N4BP2L2: variants seen among roughly 807,000 people sequenced by gnomAD.
The protein encoded by N4BP2L2 is NEDD4 binding protein 2 like 2, also known as NEDD4-binding protein 2-like 2.
A neutral mutation model predicts 56.2 loss-of-function variants in N4BP2L2; 50 were observed. That is an observed-to-expected ratio of 0.89 (90% CI 0.71 to 1.13). The LOEUF (loss-of-function observed/expected upper bound fraction) is 1.13, where lower values mean the gene tolerates loss of function less well. Among genes scored for constraint, N4BP2L2 ranks in the 50% most tolerant of loss-of-function variants. The pLI, the probability that N4BP2L2 is intolerant of heterozygous loss-of-function variation, is 0.00. For missense variants in N4BP2L2, 689 were observed against 693.8 expected (o/e 0.99, Z 0.08); for synonymous variants, 203 against 223.6 (o/e 0.91, Z 0.82).
chr13:32,460,828 A>C (rs2079916519), intron 6 of N4BP2L2, among the ~76,000 whole-genome samples: 1 of 152,078 alleles, frequency 6.6e-6, no homozygotes, highest in South Asian at 2.1e-4. Flanking sequence ...AAAAAATAAA[A>C]ATAAAAAACA....
At chr13:32,499,014 A>T (rs1352029496) in intron 6 of N4BP2L2, among the ~76,000 whole-genome samples, 20 of 151,508 alleles carry the variant, frequency 1.3e-4, no homozygotes. Context: ...AAAAAAAATT[A>T]AAATTTAAAA....
downstream of N4BP2L2, chr13:32,508,757 G>A (rs1343681955): frequency 6.6e-6 from 1 of 152,152 alleles, no homozygotes; most frequent in Non-Finnish European, 1.5e-5. Context: ...GAAAAAAGAT[G>A]CAAGCATTTG....
exon 2 of N4BP2L2, chr13:32,536,820 C>G (rs763310254): frequency 5.0e-6 from 8 of 1,614,014 alleles, no homozygotes; most frequent in Non-Finnish European, 5.9e-6. Context: ...ATTTTGTTCT[C>G]CTGCAAATAA....
intron 6 of N4BP2L2, among the ~76,000 whole-genome samples, chr13:32,464,313 T>A (rs2080825383): frequency 6.6e-6 from 1 of 152,216 alleles, no homozygotes; most frequent in Non-Finnish European, 1.5e-5. Flanking sequence ...TGCTGCAGGT[T>A]CTCTTGCCAG....
At chr13:32,522,579 T>C (rs997799285) in intron 3 of N4BP2L2, 1 of 184,642 alleles carries the variant, frequency 5.4e-6, no homozygotes, top group East Asian at 1.3e-4. Context: ...ATGGGAAATA[T>C]AAGAGATGAA....
chr13:32,529,746 A>G (rs1341974842), intron 2 of N4BP2L2, among the ~76,000 whole-genome samples: 1 of 145,720 alleles, frequency 6.9e-6, no homozygotes, highest in Non-Finnish European at 1.5e-5. Context: ...TTTTTTTTAG[A>G]CAAGAGTCCG....
At chr13:32,456,971 C>T (rs2079083175) in intron 6 of N4BP2L2, among the ~76,000 whole-genome samples, 2 of 151,958 alleles carry the variant, frequency 1.3e-5, no homozygotes, top group South Asian at 2.1e-4. Context: ...AACCCTATCT[C>T]TACTAAAAAT....
intron 6 of N4BP2L2, among the ~76,000 whole-genome samples, chr13:32,470,028 G>A (rs1453097229): frequency 2.0e-5 from 3 of 152,324 alleles, no homozygotes; most frequent in South Asian, 4.1e-4. Flanking sequence ...ATCAATTAAT[G>A]GCTATGAAAG....
chr13:32,481,972 T>C (rs911989677), intron 6 of N4BP2L2, among the ~76,000 whole-genome samples: 3 of 152,214 alleles, frequency 2.0e-5, no homozygotes, highest in South Asian at 4.1e-4. Flanking sequence ...TGTAAATATA[T>C]ATAATTTAAA....
exon 7 of N4BP2L2, chr13:32,442,595 A>G (rs751470731): frequency 6.2e-7 from 1 of 1,613,982 alleles, no homozygotes; most frequent in Non-Finnish European, 8.5e-7. Context: ...AAAGAGCACG[A>G]AGTATCAGGA....
intron 7 of N4BP2L2, among the ~76,000 whole-genome samples, chr13:32,440,273 G>A (rs2076108159): frequency 6.6e-6 from 1 of 152,050 alleles, no homozygotes; most frequent in South Asian, 2.1e-4. Flanking sequence ...GACGAAATGG[G>A]TCCCCAAGGA....
chr13:32,510,034 GTC>G (rs1414547522), downstream of N4BP2L2, among the ~76,000 whole-genome samples: 1 of 151,996 alleles, frequency 6.6e-6, no homozygotes, highest in African/African-American at 2.4e-5. Context: ...TTAAGTAACT[GTC>G]TCTTTTACTG....
intron 6 of N4BP2L2, among the ~76,000 whole-genome samples, chr13:32,463,604 C>T (rs1398083084): frequency 2.1e-5 from 3 of 142,508 alleles, no homozygotes; most frequent in Non-Finnish European, 3.0e-5. Context: ...GCAGAGGTTG[C>T]GGTGAGCAGA....
At chr13:32,513,449 G>A (rs1593995269) in exon 6 of N4BP2L2, 1 of 152,010 alleles carries the variant, frequency 6.6e-6, no homozygotes, top group Non-Finnish European at 1.5e-5. Flanking sequence ...ATACATACAG[G>A]GAAGCCAACT....
chr13:32,441,933 G>A (rs765706080), intron 7 of N4BP2L2, among the ~76,000 whole-genome samples: 3 of 146,850 alleles, frequency 2.0e-5, no homozygotes, highest in Admixed American at 6.7e-5. Context: ...ATAAATAGCC[G>A]GGCGTGGTGG....
At chr13:32,456,694 C>G (rs561219858) in intron 6 of N4BP2L2, among the ~76,000 whole-genome samples, 1 of 152,110 alleles carries the variant, frequency 6.6e-6, no homozygotes, top group South Asian at 2.1e-4. Flanking sequence ...AAAAAAGAAC[C>G]AAACAGAAAT....
At chr13:32,435,803 C>T (rs1410617917) in intron 9 of N4BP2L2, among the ~76,000 whole-genome samples, 3 of 152,054 alleles carry the variant, frequency 2.0e-5, no homozygotes, top group Non-Finnish European at 4.4e-5. Flanking sequence ...AATGAAAAAA[C>T]GTATGGTAAA....
At chr13:32,435,516 G>A (rs1044696190) in intron 9 of N4BP2L2, among the ~76,000 whole-genome samples, 1 of 152,044 alleles carries the variant, frequency 6.6e-6, no homozygotes, top group Non-Finnish European at 1.5e-5. Flanking sequence ...GTATAGGCGT[G>A]AGCCACCACA....
exon 7 of N4BP2L2, chr13:32,443,181 T>G: frequency 1.9e-6 from 3 of 1,613,982 alleles, no homozygotes; most frequent in Non-Finnish European, 2.5e-6. Flanking sequence ...TAGTTTCAGG[T>G]GGAGGTGAAA....
Sources: allele counts gnomAD v4.1 joint callset (sites outside exome capture counted in the v4.1 genomes callset), GRCh38; gene constraint gnomAD v4.1.1; transcripts MANE v1.5; gene names NCBI Gene and HGNC (gene_info 2026-07-23, HGNC 2026-07-21).